The following STAG3 variants were observed in gnomAD, a reference collection of about 807,000 sequenced individuals.
STAG3 encodes STAG3 cohesin complex component.
Under a neutral mutation model 160.7 loss-of-function variants are expected in STAG3, and 101 were observed. The ratio of observed to expected loss-of-function variants is 0.63; its 90% CI spans 0.54 to 0.74. The LOEUF (loss-of-function observed/expected upper bound fraction) is 0.74. Among genes scored for constraint, STAG3 ranks in the 30% least tolerant of loss-of-function variants. The probability of loss-of-function intolerance (pLI) is 0.00; values close to 1 mark genes in which losing one functional copy is unlikely to be tolerated. For synonymous variants in STAG3, 519 were observed against 585.0 expected (o/e 0.89, Z 1.63); for missense variants, 1,188 against 1,517.4 (o/e 0.78, Z 3.61).
chr7:100,201,611 T>A (rs1217920331), intron 21 of STAG3, 175 bp from the exon 22 acceptor site: 8 of 653,180 alleles, frequency 1.2e-5, no homozygotes, highest in Non-Finnish European at 2.1e-5. Flanking sequence ...GCGGTGACAT[T>A]TCTACTTCGT....
intron 4 of STAG3, among the ~76,000 whole-genome samples, chr7:100,185,832 A>G (rs1247188066): frequency 1.3e-5 from 2 of 152,068 alleles, no homozygotes; most frequent in African/African-American, 2.4e-5. Context: ...TTCCTTGAGG[A>G]TCTGACTCTT....
At chr7:100,204,489 T>C (rs769026326) in intron 26 of STAG3, 138 bp from the exon 27 acceptor site, 86 of 1,078,368 alleles carry the variant, frequency 8.0e-5, no homozygotes, top group Non-Finnish European at 1.0e-4. Flanking sequence ...GGGAGTTCCC[T>C]AGAAGGAAGG....
chr7:100,201,898 A>ACAGAGGAG, intron 22 of STAG3, 32 bp downstream of exon 22: 2 of 1,614,050 alleles, frequency 1.2e-6, no homozygotes, highest in Non-Finnish European at 1.7e-6. Flanking sequence ...GATAATGGGA[A>ACAGAGGAG]CAGAGGAGTC....
At chr7:100,184,463 G>GTTTTT (rs1554403741) in intron 4 of STAG3, among the ~76,000 whole-genome samples, 29 of 98,576 alleles carry the variant, frequency 2.9e-4, no homozygotes, top group Non-Finnish European at 3.3e-4. Flanking sequence ...CAGCGTGTTA[G>GTTTTT]TTTTTTTTTT....
chr7:100,212,327 G>A (rs935472210), intron 32 of STAG3: 1 of 156,632 alleles, frequency 6.4e-6, no homozygotes, highest in African/African-American at 2.4e-5. Context: ...TTCCCCAGGA[G>A]GAACTGCTGC....
Position 100,180,499 on chromosome 7 carries a change from C to A in STAG3, c.-58C>A. The A allele has an allele frequency of 1.0e-6, 1 of 982,532 alleles. No individual in the cohort carries two copies. The highest frequency in any genetic ancestry group is 1.6e-6 in the Non-Finnish European group (1 of 606,626). 60.9% of individuals were successfully genotyped at this position (982,532 alleles called of 1,614,324 possible). On this transcript the variant is annotated 5_prime_UTR_variant, in exon 2 of 34. Transcript: ENST00000615138. ...TCTTCTCTTTCTTCCCCAGCTGGAT[C>A]GCCATACCTACCCTGTGGTCCTCAT...
At position 100,188,489 on chromosome 7, in the gene STAG3, A is replaced by C. The variant is rs761259984; in HGVS notation, c.470A>C (p.Asn157Thr). 1.1e-5 allele frequency: 18 copies of C among 1,613,716 alleles called. No homozygotes were observed. Among genetic ancestry groups the C allele is most frequent in the Middle Eastern group, 1.6e-4 (1 of 6,084 alleles). The change falls in exon 6 of 34, where the codon AAC becomes ACC. Residue 157 changes from asparagine (N) to threonine (T), a missense_variant. This residue lies in a region of STAG3 where 296 missense variants were observed against 404.0 expected (regional missense o/e 0.73). Transcript: ENST00000615138. ...VTPEMFKKMSNSEIIQHLTEQ... is the reference protein window; with the variant it reads ...VTPEMFKKMSTSEIIQHLTEQ... ...CCTGAGATGTTCAAGAAGATGTCCA[A>C]CTCAGAGATCATCCAGCACCTAACA...
At chr7:100,196,426 G>A (rs1800696764) in intron 9 of STAG3, among the ~76,000 whole-genome samples, 2 of 151,832 alleles carry the variant, frequency 1.3e-5, no homozygotes, top group African/African-American at 2.4e-5. Flanking sequence ...GACTACAGGC[G>A]CCCACCACCA....
chr7:100,196,254 C>A (rs1295661926), intron 9 of STAG3, among the ~76,000 whole-genome samples: 1 of 152,148 alleles, frequency 6.6e-6, no homozygotes, highest in Non-Finnish European at 1.5e-5. Context: ...AAAACACACT[C>A]ACACACTTTG....
chr7:100,213,619 G>T, intron 32 of STAG3, 116 bp from the exon 33 acceptor site: 1 of 1,544,992 alleles, frequency 6.5e-7, no homozygotes, highest in Non-Finnish European at 8.7e-7. Flanking sequence ...GGTGCCATAG[G>T]GGCCTGCTGT....
At chr7:100,182,480 A>G (rs1379323808) in intron 3 of STAG3, among the ~76,000 whole-genome samples, 1 of 152,056 alleles carries the variant, frequency 6.6e-6, no homozygotes, top group Non-Finnish European at 1.5e-5. Context: ...AGAGAAAAGA[A>G]GAGAAAAGGA....
chr7:100,195,029 C>G (rs995381872), intron 8 of STAG3, among the ~76,000 whole-genome samples: 2 of 152,048 alleles, frequency 1.3e-5, no homozygotes, highest in African/African-American at 4.8e-5. Flanking sequence ...TGCAATAAAG[C>G]GAGATACACC....
Position 100,198,785 on chromosome 7 carries a change from C to A in STAG3, c.1353-58C>A. On this transcript the variant is annotated intron_variant, in intron 13 of 33. Transcript: ENST00000615138. ...TTGGGCCATCTCCTCCCTCTGTGGT[C>A]GTTACACCTCCTTGTTTCCTGTTGT... The A allele has an allele frequency of 2.0e-6, 3 of 1,487,406 alleles. No individual in the cohort carries two copies. In the South Asian group the frequency reaches 3.4e-5, roughly 17 times the overall value. The allele number at this position is 1,487,406 out of a possible 1,614,324, so 92.1% of individuals were successfully genotyped here. A position where few individuals can be genotyped will look rare whatever the true frequency, so the allele number is the denominator to read the frequency against.
At chr7:100,201,235 A>G (rs1801105336) in intron 20 of STAG3, 29 bp from the exon 21 acceptor site, 2 of 1,613,888 alleles carry the variant, frequency 1.2e-6, no homozygotes, top group Non-Finnish European at 1.7e-6. Flanking sequence ...GTTCTTTTCC[A>G]GTATAACATT....
rs1562983318 is a variant in STAG3, at chr7:100,199,382, G to C, written c.1573+15G>C. ...GAAGGACCAGAGTACGTGTCACACG[G>C]AGCCAGGGACAGGGACCTTCCACCC... On this transcript the variant is annotated intron_variant, in intron 15 of 33. Coordinates refer to ENST00000615138, the MANE Select transcript of STAG3 (RefSeq NM_001282717.2). 2.5e-6 allele frequency: 4 copies of C among 1,609,792 alleles called. No homozygotes were observed. The highest frequency in any genetic ancestry group is 3.4e-6 in the Non-Finnish European group (4 of 1,176,154).
At chr7:100,199,687 C>A in intron 16 of STAG3, 43 bp downstream of exon 16, 2 of 1,421,922 alleles carry the variant, frequency 1.4e-6, no homozygotes, top group South Asian at 1.4e-5. Flanking sequence ...AATACTCAGT[C>A]TTGACAGGCA....
At chr7:100,189,064 C>A in intron 7 of STAG3, 48 bp downstream of exon 7, 1 of 1,595,280 alleles carries the variant, frequency 6.3e-7, no homozygotes, top group Non-Finnish European at 8.6e-7. Flanking sequence ...ATTTATAGGA[C>A]TTTCCTCTGT....
At chr7:100,179,263 G>T (rs7794170) in intron 1 of STAG3, among the ~76,000 whole-genome samples, 41,699 of 134,402 alleles carry the variant, frequency 0.31, 6,682 homozygotes, top group East Asian at 0.64. Context: ...CTTGGGTTTT[G>T]TTTTTTTTTT....
intron 2 of STAG3, chr7:100,180,876 T>C (rs1269960882): frequency 8.2e-6 from 3 of 367,426 alleles, no homozygotes; most frequent in Admixed American, 9.0e-5. Context: ...TAGTAGTACA[T>C]CCTGTTTTTT....
Sources: gnomAD v4.1 joint callset for allele counts (sites outside exome capture counted in the v4.1 genomes callset) on GRCh38, gnomAD v4.1.1 for gene constraint, gnomAD v4.1.1 regional missense constraint, MANE v1.5 for transcripts, NCBI Gene and HGNC (gene_info 2026-07-23, HGNC 2026-07-21) for gene names.